Variants in YLPM1 observed in about 807,000 individuals in gnomAD.
The protein encoded by YLPM1 is YLP motif-containing protein 1.
YLPM1 carries 99 observed loss-of-function variants against 230.0 expected under a neutral mutation model. The observed-to-expected ratio is 0.43, with a 90% CI of 0.37 to 0.51. The LOEUF (loss-of-function observed/expected upper bound fraction) is 0.51. Among genes scored for constraint, YLPM1 ranks in the 20% least tolerant of loss-of-function variants. YLPM1 has a pLI of 0.00. For missense variants in YLPM1, 2,592 were observed against 2,707.7 expected, an observed-to-expected ratio of 0.96 and a Z score of 0.95; for synonymous variants, 984 against 942.5, an observed-to-expected ratio of 1.04 and a Z score of -0.81.
chr14:74,835,598 C>T (rs1374091908), intron 20 of YLPM1, among the ~76,000 whole-genome samples, 151 bp downstream of exon 20: 1 of 152,104 alleles, frequency 6.6e-6, no homozygotes, highest in Non-Finnish European at 1.5e-5. Context: ...TTAACATTTA[C>T]AATACTATTA....
In YLPM1 at chr14:74,763,675, G is replaced by C. The variant is rs774864106; in HGVS notation, c.186G>C (p.Gln62His). Residue 62 changes from glutamine (Q) to histidine (H), a missense_variant, in exon 1 of 21, where the codon CAG becomes CAC. By Grantham distance (24) the Gln-to-His change is conservative (BLOSUM62 0). Coordinates refer to ENST00000325680, the MANE Select transcript of YLPM1 (RefSeq NM_019589.3). Reference protein sequence around the residue: ...SFREQHLAQLQQLQQMHQKQM... With the variant: ...SFREQHLAQLHQLQQMHQKQM... ...GCGAACAGCACTTGGCGCAGCTCCA[G>C]CAGCTGCAGCAGATGCACCAGAAGC... The C allele has an allele frequency of 4.4e-6, 7 of 1,574,004 alleles. No homozygotes were observed. The highest frequency in any genetic ancestry group is 4.3e-6 in the Non-Finnish European group (5 of 1,156,760).
Position 74,799,346 on chromosome 14 carries a change from G to A in YLPM1, c.4049G>A (p.Arg1350Lys). 2 of 1,614,018 alleles carry A rather than the reference G, an allele frequency of 1.2e-6. No homozygotes were observed. The highest frequency in any genetic ancestry group is 1.7e-6 in the Non-Finnish European group (2 of 1,179,896). The change falls in exon 5 of 21, where the codon AGA (arginine) becomes AAA (lysine). Residue 1350 changes from arginine (R) to lysine (K), a missense_variant. Around this residue, in one of 4 missense-constraint regions of YLPM1, gnomAD observed 1,862 missense variants for 1,819.8 expected, o/e 1.02. Transcript: ENST00000325680. ...LPPLDRYRDD[R>K]WREERNREHG... ...CCTTTGGATAGATATCGGGATGATA[G>A]ATGGAGAGAAGAAAGAAATCGAGAG...
At chr14:74,773,662 T>A (rs2091001830) in intron 1 of YLPM1, among the ~76,000 whole-genome samples, 1 of 151,814 alleles carries the variant, frequency 6.6e-6, no homozygotes, top group East Asian at 1.9e-4. Flanking sequence ...AATGCTACAT[T>A]ATTATTATTA....
rs577404839 is a variant in YLPM1 at position 74,803,875 on chromosome 14, C to T, written c.4521+1199C>T. 1.2e-4 allele frequency among the ~76,000 whole-genome samples: 18 copies of T among 152,096 alleles called. No individual in the cohort carries two copies. In the South Asian group the frequency reaches 3.3e-3, roughly 28 times the overall value. On this transcript the variant is annotated intron_variant, in intron 6 of 20. Coordinates refer to ENST00000325680, the MANE Select transcript of YLPM1 (RefSeq NM_019589.3). Reference sequence around the variant, plus strand: ...GTATACCAAAAGATAAAAAAATTCTCGGCCAGGCGCGGTGGCTCACACCTG... The same window carrying T: ...GTATACCAAAAGATAAAAAAATTCTTGGCCAGGCGCGGTGGCTCACACCTG...
At chr14:74,826,129 G>A (rs940068551) in intron 18 of YLPM1, among the ~76,000 whole-genome samples, 11 of 152,138 alleles carry the variant, frequency 7.2e-5, no homozygotes, top group Non-Finnish European at 1.3e-4. Flanking sequence ...ATTTACAGTC[G>A]GGTTTTTATT....
chr14:74,772,038 T>C (rs916169972), intron 1 of YLPM1, among the ~76,000 whole-genome samples: 5 of 152,178 alleles, frequency 3.3e-5, no homozygotes, highest in South Asian at 2.1e-4. Context: ...CATTGTCTTA[T>C]AGGCATTTAT....
At chr14:74,782,957 TGTAA>T (rs2091110642) in intron 4 of YLPM1, among the ~76,000 whole-genome samples, 1 of 152,198 alleles carries the variant, frequency 6.6e-6, no homozygotes, top group Non-Finnish European at 1.5e-5. Flanking sequence ...ATTGCTGGTG[TGTAA>T]GTTTTTTCTC....
At chr14:74,814,617 G>A (rs2091462463) in intron 11 of YLPM1, among the ~76,000 whole-genome samples, 2 of 152,192 alleles carry the variant, frequency 1.3e-5, no homozygotes, top group African/African-American at 2.4e-5. Context: ...ATCATGGTGT[G>A]TAATAATTTT....
At chr14:74,817,750 T>C (rs2091490903) in intron 15 of YLPM1, among the ~76,000 whole-genome samples, 1 of 152,040 alleles carries the variant, frequency 6.6e-6, no homozygotes, top group Admixed American at 6.6e-5. Flanking sequence ...TTTTCCTAGC[T>C]CTTCTTGAAA....
chr14:74,790,671 T>G (rs2091197867), intron 4 of YLPM1, among the ~76,000 whole-genome samples: 1 of 152,184 alleles, frequency 6.6e-6, no homozygotes, highest in Non-Finnish European at 1.5e-5. Context: ...TTGCTTATTT[T>G]TCTTTTTATC....
chr14:74,809,324 A>G (rs1290322208), intron 6 of YLPM1, 56 bp from the exon 7 acceptor site: 17 of 1,521,962 alleles, frequency 1.1e-5, no homozygotes, highest in Non-Finnish European at 1.5e-5. Context: ...ATTTCCACTG[A>G]TCTATAAAAA....
chr14:74,812,760 G>A lies in YLPM1; in HGVS notation c.5480G>A (p.Gly1827Asp), dbSNP rs765364423. Residue 1827 changes from glycine to aspartate, a missense_variant, in exon 11 of 21, where the codon GGC becomes GAC. Physicochemically the swap from Gly to Asp is moderately conservative, Grantham distance 94. Transcript: ENST00000325680. ...KNVDDILKPPGRESRPERIVV... is the reference protein window; with the variant it reads ...KNVDDILKPPDRESRPERIVV... ...GTGGACGATATTTTGAAACCACCGG[G>A]CCGGGAGAGCAGACCTGAGAGAGTG... 6.2e-7 allele frequency: 1 copy of A among 1,613,514 alleles called. No individual in the cohort carries two copies. The highest frequency in any genetic ancestry group is 8.5e-7 in the Non-Finnish European group (1 of 1,179,702).
chr14:74,777,634 G>T (rs2091054998), intron 1 of YLPM1, among the ~76,000 whole-genome samples: 1 of 151,860 alleles, frequency 6.6e-6, no homozygotes, highest in African/African-American at 2.4e-5. Flanking sequence ...TCTCTTATAT[G>T]TGTGTACATC....
chr14:74,824,231 G>A lies in YLPM1; in HGVS notation c.6112-25G>A, dbSNP rs201696451. ...TGTATGTGTCTCTTTCTAACCCTTC[G>A]AGCTTCTCTCTGTGTACGATTTAGG... On this transcript the variant is annotated intron_variant, in intron 17 of 20. Transcript: ENST00000325680. The A allele has an allele frequency of 6.7e-5, 108 of 1,609,602 alleles. No individual in the cohort carries two copies. The African/African-American group carries it at 1.1e-3, about 17-fold the overall frequency.
rs879128063 is a variant in YLPM1, at chr14:74,778,571, A to G, written c.998A>G (p.Glu333Gly). The change falls in exon 2 of 21, where the codon GAA becomes GGA. Residue 333 changes from glutamate (E) to glycine (G), a missense_variant. Transcript: ENST00000325680. Reference protein sequence around the residue: ...AKDTPEPVKEEVTVPATSQVP... With the variant: ...AKDTPEPVKEGVTVPATSQVP... ...GATACACCAGAGCCGGTAAAAGAAG[A>G]AGTTACAGTACCTGCCACCAGTCAA... 2 of 1,604,978 alleles carry G rather than the reference A, an allele frequency of 1.2e-6. No homozygotes were observed. The highest frequency in any genetic ancestry group is 3.4e-5 in the Admixed American group (2 of 58,860).
intron 18 of YLPM1, among the ~76,000 whole-genome samples, chr14:74,826,948 T>C (rs936417554): frequency 2.6e-5 from 4 of 152,234 alleles, no homozygotes; most frequent in Non-Finnish European, 5.9e-5. Flanking sequence ...TCATATAAAG[T>C]ACTTTTGCTT....
rs1201433273 is a variant in YLPM1, at chr14:74,798,753, T to C, written c.3456T>C (p.Ser1152=). The change falls in exon 5 of 21, where the codon AGT becomes AGC. Residue 1152 remains serine, a synonymous_variant. Coordinates refer to ENST00000325680, the MANE Select transcript of YLPM1 (RefSeq NM_019589.3). ...RERGPPRGPG[S]RERGLGRSDF... ...GAGGACCACCTCGAGGGCCTGGCAGTCGAGAAAGGGGACTGGGAAGATCAG... is the reference window on the plus strand; with the variant it reads ...GAGGACCACCTCGAGGGCCTGGCAGCCGAGAAAGGGGACTGGGAAGATCAG... 1.2e-6 allele frequency: 2 copies of C among 1,612,732 alleles called. No individual in the cohort carries two copies. Among genetic ancestry groups the C allele is most frequent in the Non-Finnish European group, 8.5e-7 (1 of 1,179,366 alleles).
chr14:74,816,448 G>T, intron 12 of YLPM1, 123 bp from the exon 13 acceptor site: 1 of 1,331,576 alleles, frequency 7.5e-7, no homozygotes. Flanking sequence ...AAACATTTTT[G>T]CCTCTGCTTG....
At position 74,799,099 on chromosome 14, in the gene YLPM1, T is replaced by TG; in HGVS notation, c.3805dup (p.Glu1269GlyfsTer8). On this transcript the variant is annotated frameshift_variant, in exon 5 of 21. Transcript: ENST00000325680. LOFTEE classifies it high-confidence loss of function. ...TAGGCGAGGCCCTTGGTGGGATGAT[T>TG]GGGAGAGAGACCAGGATATGGATGA... The TG allele has an allele frequency of 6.2e-7, 1 of 1,613,800 alleles. No homozygotes were observed. The highest frequency in any genetic ancestry group is 8.5e-7 in the Non-Finnish European group (1 of 1,179,850).
Sources: gnomAD v4.1 joint callset for allele counts (sites outside exome capture counted in the v4.1 genomes callset) on GRCh38, gnomAD v4.1.1 for gene constraint, gnomAD v4.1.1 regional missense constraint, MANE v1.5 for transcripts, NCBI Gene and HGNC (gene_info 2026-07-23, HGNC 2026-07-21) for gene names.